Variants in SORCS2 observed in about 807,000 individuals in gnomAD.
The protein encoded by SORCS2 is sortilin related VPS10 domain containing receptor 2.
In SORCS2, 100 loss-of-function variants were observed where a neutral mutation model predicts 141.6. The observed-to-expected ratio is 0.71, with a 90% CI of 0.60 to 0.83. SORCS2 has a LOEUF of 0.83. Among genes scored for constraint, SORCS2 ranks in the 40% least tolerant of loss-of-function variants. The pLI, the probability that SORCS2 is intolerant of heterozygous loss-of-function variation, is 0.00. For missense variants in SORCS2, 1,646 were observed against 1,560.2 expected (o/e 1.05, Z -0.93); for synonymous variants, 789 against 676.9 (o/e 1.17, Z -2.57).
intron 1 of SORCS2, among the ~76,000 whole-genome samples, chr4:7,200,920 A>G (rs1475893608): frequency 6.6e-6 from 1 of 152,182 alleles, no homozygotes; most frequent in Non-Finnish European, 1.5e-5. Context: ...TCTTGAAACT[A>G]GCTCAAGGCC....
At position 7,460,971 on chromosome 4, in the gene SORCS2, T is replaced by C. The variant is rs529459616; in HGVS notation, c.548+64616T>C. ...TCGAGGATTTCATTTCTCCCCCCTCTCTTTCCATCATCCTCGTGCTGCTCC... is the reference window on the plus strand; with the variant it reads ...TCGAGGATTTCATTTCTCCCCCCTCCCTTTCCATCATCCTCGTGCTGCTCC... On this transcript the variant is annotated intron_variant, in intron 2 of 26. Transcript: ENST00000507866. Among the ~76,000 whole-genome samples, 3 of 152,168 alleles carry C rather than the reference T, an allele frequency of 2.0e-5. No homozygotes were observed. In the South Asian group the frequency reaches 6.2e-4, roughly 32 times the overall value.
intron 2 of SORCS2, among the ~76,000 whole-genome samples, chr4:7,419,280 C>T (rs7663695): frequency 0.1 from 15,459 of 152,122 alleles, 941 homozygotes; most frequent in Admixed American, 0.14. Flanking sequence ...CCATAGGGTC[C>T]TGAGGGCAAA....
At chr4:7,634,956 T>TTA (rs1720147775) in intron 3 of SORCS2, among the ~76,000 whole-genome samples, 1 of 152,090 alleles carries the variant, frequency 6.6e-6, no homozygotes, top group Non-Finnish European at 1.5e-5. Flanking sequence ...CAGAGCTCAC[T>TTA]AGGTCATCCA....
intron 3 of SORCS2, among the ~76,000 whole-genome samples, chr4:7,636,702 C>A (rs1450485254): frequency 6.6e-6 from 1 of 152,068 alleles, no homozygotes; most frequent in Admixed American, 6.5e-5. Flanking sequence ...AAACCTAAAC[C>A]AGGCCACCCC....
At chr4:7,653,786 C>A (rs1039400258) in intron 4 of SORCS2, among the ~76,000 whole-genome samples, 2 of 152,224 alleles carry the variant, frequency 1.3e-5, no homozygotes, top group Non-Finnish European at 2.9e-5. Context: ...CCTGGCAACA[C>A]GTGGCTCCTT....
At chr4:7,270,909 G>A (rs1019001579) in intron 1 of SORCS2, among the ~76,000 whole-genome samples, 2 of 152,214 alleles carry the variant, frequency 1.3e-5, no homozygotes, top group Non-Finnish European at 1.5e-5. Flanking sequence ...GGATACTTAC[G>A]TTCTCTCCAG....
chr4:7,704,100 G>T, intron 13 of SORCS2, 77 bp from the exon 14 acceptor site: 2 of 1,376,052 alleles, frequency 1.5e-6, no homozygotes, highest in Middle Eastern at 3.6e-4. Flanking sequence ...CCCTCCAGCT[G>T]GACCCGCCGG....
At chr4:7,502,491 A>C (rs1732030959) in intron 2 of SORCS2, among the ~76,000 whole-genome samples, 2 of 152,174 alleles carry the variant, frequency 1.3e-5, no homozygotes, top group African/African-American at 4.8e-5. Flanking sequence ...CAGAGCGGCT[A>C]CTACCATTTA....
chr4:7,265,451 A>C (rs1019467543), intron 1 of SORCS2, among the ~76,000 whole-genome samples: 3 of 152,176 alleles, frequency 2.0e-5, no homozygotes, highest in Non-Finnish European at 4.4e-5. Context: ...AGATTGCACC[A>C]CTGCACTCCA....
At position 7,255,444 on chromosome 4, in the gene SORCS2, G is replaced by A. The variant is rs1038652146; in HGVS notation, c.480+62318G>A. On this transcript the variant is annotated intron_variant, in intron 1 of 26. Transcript: ENST00000507866. ...TTGGAGCGAATTGTCAGGGAGTGTG[G>A]GAGGCAGGAATGGGAGATGGCGTTG... Among the ~76,000 whole-genome samples, 5 of 152,284 alleles carry A rather than the reference G, an allele frequency of 3.3e-5. 1 individual carries two copies. The South Asian group carries it at 8.3e-4, about 25-fold the overall frequency.
At chr4:7,414,688 CAACTT>C (rs1471208906) in intron 2 of SORCS2, among the ~76,000 whole-genome samples, 3 of 152,152 alleles carry the variant, frequency 2.0e-5, no homozygotes, top group Non-Finnish European at 4.4e-5. Context: ...GAGTGATAAA[CAACTT>C]AAAAGACAAA....
rs564458717 is a variant in SORCS2 at position 7,671,253 on chromosome 4, C to A, written c.1161+4040C>A. 1.7e-4 allele frequency among the ~76,000 whole-genome samples: 26 copies of A among 152,176 alleles called. 1 individual carries two copies. In the South Asian group the frequency reaches 5.2e-3, roughly 30 times the overall value. ...AGTTACCATATTATTAATGTCCAAT[C>A]TAACTGGACATTAGACTCAACTGTC... On this transcript the variant is annotated intron_variant, in intron 8 of 26. Transcript: ENST00000507866.
chr4:7,281,702 G>T (rs867215776), intron 1 of SORCS2, among the ~76,000 whole-genome samples: 2 of 152,186 alleles, frequency 1.3e-5, no homozygotes, highest in Non-Finnish European at 2.9e-5. Flanking sequence ...GGCAGCCTGG[G>T]GGCCGCAGGC....
intron 3 of SORCS2, among the ~76,000 whole-genome samples, chr4:7,570,196 G>A (rs1170661652): frequency 6.6e-6 from 1 of 152,188 alleles, no homozygotes; most frequent in Non-Finnish European, 1.5e-5. Context: ...GTGAGTGATG[G>A]ATTAGAACGC....
In SORCS2 at chr4:7,498,189, G is replaced by T. The variant is rs140844101; in HGVS notation, c.549-33341G>T. On this transcript the variant is annotated intron_variant, in intron 2 of 26. Transcript: ENST00000507866. ...TCCTAGTCCTCCCTTAGCCAGTGAG[G>T]TTGAGGACATCAGTGAGATGTGGAC... 9.0e-3 allele frequency among the ~76,000 whole-genome samples: 1,365 copies of T among 152,292 alleles called. 23 individuals are homozygous for T. The highest frequency in any genetic ancestry group is 0.031 in the African/African-American group (1,304 of 41,552).
intron 11 of SORCS2, among the ~76,000 whole-genome samples, chr4:7,692,002 T>C (rs1451136957): frequency 6.6e-6 from 1 of 151,914 alleles, no homozygotes; most frequent in African/African-American, 2.4e-5. Flanking sequence ...TGCCCCCCAC[T>C]GTCCCTACAA....
At chr4:7,397,508 G>A (rs1224993691) in intron 2 of SORCS2, among the ~76,000 whole-genome samples, 2 of 152,006 alleles carry the variant, frequency 1.3e-5, no homozygotes, top group East Asian at 1.9e-4. Context: ...TTCTAATTCC[G>A]TCGTCACCAC....
intron 1 of SORCS2, among the ~76,000 whole-genome samples, chr4:7,218,449 G>A (rs141762052): frequency 0.012 from 1,813 of 152,212 alleles, 37 homozygotes; most frequent in African/African-American, 0.041. Context: ...TTTTTTTCTT[G>A]GGTTTAACTT....
chr4:7,602,845 C>G (rs970081530), intron 3 of SORCS2, among the ~76,000 whole-genome samples: 1 of 152,214 alleles, frequency 6.6e-6, no homozygotes, highest in Non-Finnish European at 1.5e-5. Context: ...CGAGATCACG[C>G]CACTGCACTC....
Sources: gnomAD v4.1 joint callset for allele counts (sites outside exome capture counted in the v4.1 genomes callset) on GRCh38, gnomAD v4.1.1 for gene constraint, MANE v1.5 for transcripts, NCBI Gene and HGNC (gene_info 2026-07-23, HGNC 2026-07-21) for gene names.